Variants in ELMO1 observed in about 807,000 individuals in gnomAD.
ELMO1 encodes the protein engulfment and cell motility 1, also known as engulfment and cell motility protein 1.
A neutral mutation model predicts 98.9 loss-of-function variants in ELMO1; 26 were observed. That is an observed-to-expected ratio of 0.26 (90% CI 0.19 to 0.36). The LOEUF (loss-of-function observed/expected upper bound fraction) is 0.36, where lower values mean the gene tolerates loss of function less well. Ranked by LOEUF, ELMO1 falls within the 10% of genes least tolerant of loss-of-function variation. The pLI is 1.00. For synonymous variants in ELMO1, 346 were observed against 346.0 expected (o/e 1.00, Z 0.00); for missense variants, 627 against 935.2 (o/e 0.67, Z 4.30).
intron 13 of ELMO1, among the ~76,000 whole-genome samples, chr7:37,182,456 G>T (rs1790927056): frequency 4.5e-5 from 1 of 22,396 alleles, no homozygotes; most frequent in African/African-American, 9.4e-5. Flanking sequence ...GTGCTCTTGT[G>T]CTCTACTTTT....
At chr7:37,175,046 G>C (rs1790424987) in intron 13 of ELMO1, among the ~76,000 whole-genome samples, 1 of 152,070 alleles carries the variant, frequency 6.6e-6, no homozygotes, top group African/African-American at 2.4e-5. Flanking sequence ...AAAGTGGAGG[G>C]GGCAGAGAGA....
intron 1 of ELMO1, among the ~76,000 whole-genome samples, chr7:37,367,627 G>C (rs1463874699): frequency 6.6e-6 from 1 of 152,160 alleles, no homozygotes; most frequent in Non-Finnish European, 1.5e-5. Context: ...AGAAAGAATA[G>C]GTTAATTAAG....
intron 4 of ELMO1, among the ~76,000 whole-genome samples, chr7:37,304,981 TG>T (rs1211888508): frequency 6.6e-6 from 1 of 152,012 alleles, no homozygotes; most frequent in Non-Finnish European, 1.5e-5. Flanking sequence ...AAAAAGCGTG[TG>T]GGGGGTAGGG....
intron 12 of ELMO1, among the ~76,000 whole-genome samples, chr7:37,213,074 G>C (rs1793070217): frequency 6.6e-6 from 1 of 152,114 alleles, no homozygotes; most frequent in Non-Finnish European, 1.5e-5. Flanking sequence ...AAAGTCTGTG[G>C]TCATGTGACA....
At chr7:36,914,882 GTA>G (rs1413720513) in intron 16 of ELMO1, among the ~76,000 whole-genome samples, 1 of 140,660 alleles carries the variant, frequency 7.1e-6, no homozygotes, top group East Asian at 2.0e-4. Flanking sequence ...CTGCCTTCTG[GTA>G]TAAAATGCAA....
intron 1 of ELMO1, among the ~76,000 whole-genome samples, chr7:37,424,464 G>A (rs566356764): frequency 3.9e-5 from 6 of 152,248 alleles, no homozygotes; most frequent in African/African-American, 1.4e-4. Context: ...ATACCTACAG[G>A]TATGAGCTGA....
At chr7:37,230,304 G>C (rs1457389734) in intron 8 of ELMO1, among the ~76,000 whole-genome samples, 1 of 152,148 alleles carries the variant, frequency 6.6e-6, no homozygotes, top group Non-Finnish European at 1.5e-5. Context: ...GGGGCATTCA[G>C]GAGATCCCAG....
chr7:37,409,910 T>C (rs1409827428), intron 1 of ELMO1, among the ~76,000 whole-genome samples: 1 of 152,246 alleles, frequency 6.6e-6, no homozygotes, highest in East Asian at 1.9e-4. Context: ...ATGACCATTT[T>C]GGACAATACA....
chr7:37,140,190 A>G (rs2129307424), intron 13 of ELMO1, among the ~76,000 whole-genome samples: 1 of 151,696 alleles, frequency 6.6e-6, no homozygotes, highest in African/African-American at 2.4e-5. Flanking sequence ...CCTGGCTAAC[A>G]TGATGAAACC....
intron 13 of ELMO1, among the ~76,000 whole-genome samples, chr7:37,166,428 T>G (rs1468263277): frequency 6.6e-6 from 1 of 152,132 alleles, no homozygotes; most frequent in Non-Finnish European, 1.5e-5. Flanking sequence ...AATTGTGATG[T>G]TAGGGTGTCA....
intron 6 of ELMO1, among the ~76,000 whole-genome samples, chr7:37,249,379 C>G (rs1795194507): frequency 6.6e-6 from 1 of 152,184 alleles, no homozygotes; most frequent in Non-Finnish European, 1.5e-5. Flanking sequence ...AATTTATACA[C>G]TTAATGTTTC....
chr7:36,963,931 T>C (rs2129123910), intron 16 of ELMO1, among the ~76,000 whole-genome samples: 2 of 152,332 alleles, frequency 1.3e-5, no homozygotes, highest in Middle Eastern at 6.8e-3. Flanking sequence ...CATGCTTTAA[T>C]GTGATATCTG....
intron 5 of ELMO1, among the ~76,000 whole-genome samples, chr7:37,266,881 C>T (rs934831367): frequency 6.6e-6 from 1 of 151,862 alleles, no homozygotes; most frequent in Non-Finnish European, 1.5e-5. Flanking sequence ...GGCATGATGG[C>T]GTACGCCTGT....
intron 16 of ELMO1, among the ~76,000 whole-genome samples, chr7:37,008,957 G>T (rs901325243): frequency 3.3e-5 from 5 of 152,184 alleles, no homozygotes; most frequent in African/African-American, 1.2e-4. Flanking sequence ...TGGCCGGTGG[G>T]ATAACAGGGT....
At chr7:36,946,335 C>T (rs923106245) in intron 16 of ELMO1, among the ~76,000 whole-genome samples, 2 of 152,338 alleles carry the variant, frequency 1.3e-5, no homozygotes, top group South Asian at 2.1e-4. Context: ...ATGAGGACTA[C>T]AGTCCCCTCC....
chr7:36,895,257 A>G (rs1192426105), intron 16 of ELMO1, among the ~76,000 whole-genome samples: 1 of 152,110 alleles, frequency 6.6e-6, no homozygotes, highest in Non-Finnish European at 1.5e-5. Context: ...GGGGTGGGGA[A>G]GCTCAGGGTG....
chr7:37,259,472 C>G (rs1584885011), intron 5 of ELMO1, 122 bp from the exon 6 acceptor site: 9 of 1,076,260 alleles, frequency 8.4e-6, no homozygotes, highest in Non-Finnish European at 1.2e-5. Context: ...CTGCATATTA[C>G]AGAGTGGGCA....
intron 7 of ELMO1, among the ~76,000 whole-genome samples, chr7:37,239,641 T>C (rs1001813195): frequency 2.0e-4 from 31 of 152,172 alleles, no homozygotes; most frequent in Admixed American, 7.2e-4. Flanking sequence ...GAAAGCAGGA[T>C]TGAGTATGGA....
intron 16 of ELMO1, among the ~76,000 whole-genome samples, chr7:36,931,919 A>G (rs561309293): frequency 6.6e-6 from 1 of 152,356 alleles, no homozygotes; most frequent in African/African-American, 2.4e-5. Flanking sequence ...ACTTTTGTGT[A>G]TATCTTTCTC....
Sources: allele counts gnomAD v4.1 joint callset (sites outside exome capture counted in the v4.1 genomes callset), GRCh38; gene constraint gnomAD v4.1.1; transcripts MANE v1.5; gene names NCBI Gene and HGNC (gene_info 2026-07-23, HGNC 2026-07-21).